DNAJC2: variants seen among roughly 807,000 people sequenced by gnomAD.
The protein encoded by DNAJC2 is dnaJ homolog subfamily C member 2.
DNAJC2 carries 32 observed loss-of-function variants against 94.0 expected under a neutral mutation model. The ratio of observed to expected loss-of-function variants is 0.34; its 90% CI spans 0.26 to 0.46. The LOEUF (loss-of-function observed/expected upper bound fraction) is 0.46. Ranked by LOEUF, DNAJC2 falls within the 20% of genes least tolerant of loss-of-function variation. The pLI, the probability that DNAJC2 is intolerant of heterozygous loss-of-function variation, is 1.00. For synonymous variants in DNAJC2, 210 were observed against 229.7 expected (o/e 0.91, Z 0.77); for missense variants, 550 against 719.5 (o/e 0.76, Z 2.69).
At chr7:103,333,515 G>T (rs73412175) in intron 3 of DNAJC2, among the ~76,000 whole-genome samples, 11,486 of 152,176 alleles carry the variant, frequency 0.075, 1,428 homozygotes, top group African/African-American at 0.26. Context: ...GAGATAAAAC[G>T]TAGATAAAAT....
chr7:103,324,177 A>G (rs559430405), intron 6 of DNAJC2, among the ~76,000 whole-genome samples: 1 of 152,366 alleles, frequency 6.6e-6, no homozygotes, highest in South Asian at 2.1e-4. Flanking sequence ...AGAGACAAAT[A>G]GCACTGTCTC....
At position 103,329,922 on chromosome 7, in the gene DNAJC2, A is replaced by T. The variant is rs1460738403; in HGVS notation, c.332-2168T>A. Among the ~76,000 whole-genome samples the T allele has an allele frequency of 3.9e-5, 6 of 152,198 alleles. No homozygotes were observed. The East Asian group carries it at 1.2e-3, about 29-fold the overall frequency. ...TTCCAATAGTTGTCTCTTATTTAAT[A>T]ACTTAACTCACTGACCCAAACTCCC... On this transcript the variant is annotated intron_variant, in intron 3 of 16. Transcript: ENST00000379263.
chr7:103,317,295 G>C, intron 12 of DNAJC2: 1 of 341,012 alleles, frequency 2.9e-6, no homozygotes, highest in East Asian at 4.9e-5. Flanking sequence ...TGACAAGTCT[G>C]TGGGTCACTG....
At chr7:103,341,399 T>C (rs1022418786) in intron 2 of DNAJC2, among the ~76,000 whole-genome samples, 1 of 152,216 alleles carries the variant, frequency 6.6e-6, no homozygotes, top group Non-Finnish European at 1.5e-5. Flanking sequence ...ATACCGCATG[T>C]ACCCTATACG....
intron 13 of DNAJC2, chr7:103,316,384 C>G: frequency 4.2e-6 from 1 of 240,790 alleles, no homozygotes; most frequent in Non-Finnish European, 7.9e-6. Flanking sequence ...TAATACATTT[C>G]TTCAGAAGAT....
intron 3 of DNAJC2, among the ~76,000 whole-genome samples, chr7:103,328,214 G>A (rs1348393291): frequency 3.3e-5 from 5 of 152,042 alleles, no homozygotes; most frequent in African/African-American, 1.2e-4. Flanking sequence ...GAGCCACTGA[G>A]CCCGGCTTGA....
chr7:103,324,430 T>G, intron 6 of DNAJC2, 52 bp downstream of exon 6: 1 of 1,394,660 alleles, frequency 7.2e-7, no homozygotes. Flanking sequence ...ACTTATTGAA[T>G]ACTTTTCCTT....
At position 103,337,725 on chromosome 7, in the gene DNAJC2, T is replaced by TA. The variant is rs776668323; in HGVS notation, c.331+10dup. The TA allele has an allele frequency of 6.2e-7, 1 of 1,605,492 alleles. No homozygotes were observed. The highest frequency in any genetic ancestry group is 1.3e-5 in the African/African-American group (1 of 74,726). On this transcript the variant is annotated intron_variant, in intron 3 of 16. Transcript: ENST00000379263. The stretch of plus-strand genomic sequence containing the variant: ...AGATATTTGATTATTTCAAAATAAC[T>TA]AAGTACTTACGAGCTGCTTTGATCT...
intron 15 of DNAJC2, chr7:103,313,785 T>G (rs1817893034): frequency 1.0e-6 from 1 of 985,262 alleles, no homozygotes; most frequent in Non-Finnish European, 1.2e-6. Flanking sequence ...GAAACAAATA[T>G]GTTTCTTAAG....
chr7:103,325,259 T>C (rs1818641541), intron 5 of DNAJC2, among the ~76,000 whole-genome samples: 1 of 151,898 alleles, frequency 6.6e-6, no homozygotes, highest in Non-Finnish European at 1.5e-5. Flanking sequence ...GTCTGGCCAA[T>C]ATGGTGAAAC....
chr7:103,320,168 A>C (rs530910304), intron 10 of DNAJC2, among the ~76,000 whole-genome samples: 2 of 152,212 alleles, frequency 1.3e-5, no homozygotes, highest in East Asian at 3.9e-4. Context: ...GGCTCACTGC[A>C]ACCTCCACCT....
chr7:103,341,655 T>A, intron 2 of DNAJC2, 109 bp downstream of exon 2: 1 of 904,508 alleles, frequency 1.1e-6, no homozygotes, highest in Non-Finnish European at 1.7e-6. Flanking sequence ...TAAATCATAG[T>A]TATCTTGCTG....
chr7:103,338,259 G>A (rs1819249417), intron 2 of DNAJC2, among the ~76,000 whole-genome samples: 1 of 145,314 alleles, frequency 6.9e-6, no homozygotes, highest in African/African-American at 2.7e-5. Flanking sequence ...GACAGAGCAA[G>A]ACCCTGTCTT....
Position 103,312,688 on chromosome 7 carries a change from A to G in DNAJC2, c.1792-45T>C, listed in dbSNP as rs376428947. On this transcript the variant is annotated intron_variant, in intron 16 of 16. Transcript: ENST00000379263. ...TGATTTAAGAAGTTGCGATTTAAAA[A>G]CAGACATTTTAATCTAGTGTTTGGT... The G allele has an allele frequency of 2.9e-5, 46 of 1,604,122 alleles. No homozygotes were observed. The East Asian group carries it at 4.5e-4, about 16-fold the overall frequency.
chr7:103,322,232 G>A (rs1274473080), intron 9 of DNAJC2, 151 bp from the exon 10 acceptor site: 4 of 635,598 alleles, frequency 6.3e-6, no homozygotes, highest in Admixed American at 3.6e-5. Context: ...CGGAAAGACA[G>A]CTGGTAAAGA....
chr7:103,341,517 T>C (rs575650522), intron 2 of DNAJC2, among the ~76,000 whole-genome samples: 5 of 152,352 alleles, frequency 3.3e-5, no homozygotes, highest in African/African-American at 1.2e-4. Context: ...GCTTCACTAA[T>C]TGCTGCCTGT....
chr7:103,325,685 T>C (rs1818667256), intron 5 of DNAJC2, among the ~76,000 whole-genome samples: 1 of 152,210 alleles, frequency 6.6e-6, no homozygotes, highest in Non-Finnish European at 1.5e-5. Flanking sequence ...GCAGCCAAGA[T>C]GTGCTTTAAG....
At chr7:103,315,168 CATTT>C (rs1388220438) in intron 15 of DNAJC2, among the ~76,000 whole-genome samples, 1 of 87,268 alleles carries the variant, frequency 1.1e-5, no homozygotes, top group Non-Finnish European at 3.3e-5. Flanking sequence ...CAAACCCTAA[CATTT>C]TTTTTTTTTT....
At chr7:103,323,150 G>A (rs1209239775) in intron 7 of DNAJC2, among the ~76,000 whole-genome samples, 1 of 151,990 alleles carries the variant, frequency 6.6e-6, no homozygotes, top group African/African-American at 2.4e-5. Flanking sequence ...GGCTGGTCTC[G>A]CACTCCTGAC....
Sources: allele counts gnomAD v4.1 joint callset (sites outside exome capture counted in the v4.1 genomes callset), GRCh38; gene constraint gnomAD v4.1.1; transcripts MANE v1.5; gene names NCBI Gene and HGNC (gene_info 2026-07-23, HGNC 2026-07-21).